Variants in GAS7 observed in about 807,000 individuals in gnomAD.
GAS7 encodes growth arrest-specific protein 7.
In GAS7, 28 loss-of-function variants were observed where a neutral mutation model predicts 71.1. The ratio of observed to expected loss-of-function variants is 0.39; its 90% CI spans 0.29 to 0.54. The LOEUF (loss-of-function observed/expected upper bound fraction) is 0.54. GAS7 is among the 20% of genes least tolerant of loss of function. GAS7 has a pLI of 0.62. For synonymous variants in GAS7, 258 were observed against 245.8 expected (o/e 1.05, Z -0.46); for missense variants, 436 against 627.8 (o/e 0.69, Z 3.27).
chr17:9,924,050 TG>T (rs1427577122), intron 11 of GAS7, among the ~76,000 whole-genome samples: 1 of 152,224 alleles, frequency 6.6e-6, no homozygotes, highest in African/African-American at 2.4e-5. Flanking sequence ...TATGATCAAA[TG>T]TATATAAATT....
At chr17:10,080,816 T>G (rs2073449712) in intron 1 of GAS7, among the ~76,000 whole-genome samples, 2 of 152,252 alleles carry the variant, frequency 1.3e-5, no homozygotes, top group African/African-American at 4.8e-5. Context: ...GAATGAGGAC[T>G]TATTCCATCA....
At chr17:10,068,749 G>A (rs563645390) in intron 1 of GAS7, among the ~76,000 whole-genome samples, 1 of 152,192 alleles carries the variant, frequency 6.6e-6, no homozygotes, top group South Asian at 2.1e-4. Context: ...GGGTGACAGA[G>A]TGAGATCCTG....
rs2067729208 is a variant in GAS7, at chr17:9,919,799, C to T, written c.1139-94G>A. ...GCCCCACAGCCAAGCCTTCTCCTCC[C>T]CCTGGGGTCATGGTGGCCGCTGGAA... On this transcript the variant is annotated intron_variant, in intron 11 of 13. Coordinates refer to ENST00000432992, the MANE Select transcript of GAS7 (RefSeq NM_201433.2). This position sits in a 1 kb window ranked among gnomAD's most constrained non-coding sequence, Gnocchi z 5.0. The T allele has an allele frequency of 4.3e-6, 4 of 926,672 alleles. No individual in the cohort carries two copies. In the Admixed American group the frequency reaches 6.8e-5, roughly 16 times the overall value. The allele number at this position is 926,672 out of a possible 1,614,324, so 57.4% of individuals were successfully genotyped here.
intron 1 of GAS7, among the ~76,000 whole-genome samples, chr17:10,141,137 C>T (rs965532842): frequency 1.3e-5 from 2 of 152,218 alleles, no homozygotes; most frequent in Non-Finnish European, 2.9e-5. Context: ...TCACAGGTCA[C>T]ATCAAGGGGA....
intron 9 of GAS7, among the ~76,000 whole-genome samples, chr17:9,932,964 A>C (rs890087449): frequency 2.6e-5 from 4 of 152,012 alleles, no homozygotes; most frequent in African/African-American, 4.8e-5. Context: ...TGAGGTGAGG[A>C]GTTCAACACC....
At chr17:10,129,759 T>C (rs541122143) in intron 1 of GAS7, among the ~76,000 whole-genome samples, 4 of 152,176 alleles carry the variant, frequency 2.6e-5, no homozygotes, top group African/African-American at 9.7e-5. Context: ...AAACCACGTA[T>C]CTGATAAGGG....
chr17:9,914,242 T>G lies in GAS7; in HGVS notation c.*2986A>C, dbSNP rs1350807068. 1 of 201,994 alleles carries G rather than the reference T, an allele frequency of 5.0e-6. No individual in the cohort carries two copies. Among genetic ancestry groups the G allele is most frequent in the African/African-American group, 2.3e-5 (1 of 43,576 alleles). 12.5% of individuals were successfully genotyped at this position (201,994 alleles called of 1,614,324 possible). The stretch of plus-strand genomic sequence containing the variant: ...TTTGCAAAGAGTTATTTATAATTTT[T>G]TTGAGATGGAGTCTTGCTCTGTCAC... On this transcript the variant is annotated 3_prime_UTR_variant, in exon 14 of 14. Coordinates refer to ENST00000432992, the MANE Select transcript of GAS7 (RefSeq NM_201433.2).
intron 2 of GAS7, among the ~76,000 whole-genome samples, chr17:10,008,091 A>T (rs75753629): frequency 0.074 from 11,241 of 152,268 alleles, 466 homozygotes; most frequent in South Asian, 0.1. Context: ...TGAATAATAT[A>T]CCATTGTATG....
At chr17:10,117,193 G>C (rs531772361) in intron 1 of GAS7, among the ~76,000 whole-genome samples, 1 of 151,994 alleles carries the variant, frequency 6.6e-6, no homozygotes, top group East Asian at 1.9e-4. Context: ...CCTGGCTTTC[G>C]GCCCCTTCCT....
chr17:10,008,048 G>A (rs144060868), intron 2 of GAS7, among the ~76,000 whole-genome samples: 41 of 152,306 alleles, frequency 2.7e-4, no homozygotes, highest in African/African-American at 9.6e-4. Context: ...GTTGTAGCAT[G>A]TATCAGCCAG....
chr17:10,126,344 TCATA>T (rs1567602209), intron 1 of GAS7, among the ~76,000 whole-genome samples: 1 of 128,590 alleles, frequency 7.8e-6, no homozygotes, highest in Non-Finnish European at 1.7e-5. Flanking sequence ...ACACACACAC[TCATA>T]CACTCACACA....
chr17:10,116,383 GA>G (rs1400532297), intron 1 of GAS7, among the ~76,000 whole-genome samples: 1 of 152,052 alleles, frequency 6.6e-6, no homozygotes, highest in Non-Finnish European at 1.5e-5. Flanking sequence ...TCATCTGTAA[GA>G]AATGCATGGA....
intron 1 of GAS7, among the ~76,000 whole-genome samples, chr17:10,031,040 G>T (rs1411697702): frequency 6.6e-6 from 1 of 152,206 alleles, no homozygotes; most frequent in Non-Finnish European, 1.5e-5. Flanking sequence ...CTCACACTGT[G>T]GCTGTCACTG....
At chr17:9,934,368 C>T (rs996418567) in intron 8 of GAS7, 124 bp from the exon 9 acceptor site, 43 of 684,060 alleles carry the variant, frequency 6.3e-5, no homozygotes, top group Non-Finnish European at 1.1e-4. Flanking sequence ...GCGGATGAGG[C>T]AGAAGTCAGG....
chr17:9,989,605 A>G (rs1024134822), intron 2 of GAS7, among the ~76,000 whole-genome samples: 1 of 152,208 alleles, frequency 6.6e-6, no homozygotes, highest in Non-Finnish European at 1.5e-5. Context: ...GACAAAAAAT[A>G]AGCAAAACAT....
chr17:10,043,413 G>A (rs530473393), intron 1 of GAS7, among the ~76,000 whole-genome samples: 9 of 152,246 alleles, frequency 5.9e-5, no homozygotes, highest in South Asian at 2.1e-4. Flanking sequence ...TGAACAACAC[G>A]AGGGTTTAGA....
intron 1 of GAS7, among the ~76,000 whole-genome samples, chr17:10,053,437 C>A (rs1330484232): frequency 1.3e-5 from 2 of 152,132 alleles, no homozygotes; most frequent in Non-Finnish European, 2.9e-5. Flanking sequence ...GTGGCTGGCT[C>A]TTTACCTACA....
intron 1 of GAS7, among the ~76,000 whole-genome samples, chr17:10,022,611 T>A (rs1597711047): frequency 6.6e-6 from 1 of 151,892 alleles, no homozygotes; most frequent in South Asian, 2.1e-4. Context: ...AAACGAAGGG[T>A]GATAATATGA....
chr17:10,037,514 G>C (rs2072777556), intron 1 of GAS7, among the ~76,000 whole-genome samples: 2 of 152,140 alleles, frequency 1.3e-5, no homozygotes, highest in Admixed American at 1.3e-4. Flanking sequence ...TTAAGCAAAT[G>C]GATAAACTTA....
Sources: gnomAD v4.1 joint callset for allele counts (sites outside exome capture counted in the v4.1 genomes callset) on GRCh38, gnomAD v4.1.1 for gene constraint, Gnocchi (gnomAD v3.1) non-coding constraint, MANE v1.5 for transcripts, NCBI Gene and HGNC (gene_info 2026-07-23, HGNC 2026-07-21) for gene names.